The following ABCF3 variants were observed in gnomAD, a reference collection of about 807,000 sequenced individuals.
ABCF3 encodes the protein ATP-binding cassette sub-family F member 3.
Under a neutral mutation model 94.3 loss-of-function variants are expected in ABCF3, and 62 were observed. That is an observed-to-expected ratio of 0.66 (90% CI 0.54 to 0.81). The LOEUF (loss-of-function observed/expected upper bound fraction) is 0.81. ABCF3 is among the 40% of genes least tolerant of loss of function. The pLI is 0.00. For synonymous variants in ABCF3, 355 were observed against 361.1 expected (o/e 0.98, Z 0.19); for missense variants, 843 against 925.3 (o/e 0.91, Z 1.15).
chr3:184,186,616 C>G lies in ABCF3; in HGVS notation c.183C>G (p.Ile61Met), dbSNP rs200504385. 6.2e-7 allele frequency: 1 copy of G among 1,613,344 alleles called. No homozygotes were observed. Among genetic ancestry groups the G allele is most frequent in the Non-Finnish European group, 8.5e-7 (1 of 1,179,580 alleles). Reference protein sequence around the residue: ...VSGDSKDDAGIRAVCQRMYNT... With the variant: ...VSGDSKDDAGMRAVCQRMYNT... Reference sequence around the variant, plus strand: ...GGGACAGCAAGGATGACGCGGGCATCAGGGCCGTGTGCCAGCGCATGTACA... The same window carrying G: ...GGGACAGCAAGGATGACGCGGGCATGAGGGCCGTGTGCCAGCGCATGTACA... Residue 61 changes from isoleucine to methionine, a missense_variant, in exon 2 of 21, where the codon ATC becomes ATG. Physicochemically the swap from Ile to Met is conservative, Grantham distance 10 (BLOSUM62 1). Coordinates refer to ENST00000429586, the MANE Select transcript of ABCF3 (RefSeq NM_018358.3).
At chr3:184,187,580 A>G in intron 4 of ABCF3, 84 bp from the exon 5 acceptor site, 1 of 1,564,646 alleles carries the variant, frequency 6.4e-7, no homozygotes, top group Non-Finnish European at 8.8e-7. Context: ...GGGTAAGTTA[A>G]GAGGGTTTAC....
At position 184,193,627 on chromosome 3, in the gene ABCF3, C is replaced by T. The variant is rs147258210; in HGVS notation, c.2059C>T (p.Arg687Cys). Residue 687 changes from arginine (R) to cysteine (C), a missense_variant, in exon 21 of 21, where the codon CGT (arginine) becomes TGT (cysteine). Physicochemically the swap from Arg to Cys is radical, Grantham distance 180. Transcript: ENST00000429586. The surrounding 1 kb of genome is among the most constrained non-coding windows in gnomAD (Gnocchi z 5.2). Reference protein sequence around the residue: ...LWVCEGGGVTRVEGGFDQYRA... With the variant: ...LWVCEGGGVTCVEGGFDQYRA... ...GGTATGCGAAGGAGGCGGCGTCACC[C>T]GTGTGGAAGGAGGATTTGACCAGTA... is the stretch of plus-strand genomic sequence containing the variant. 241 of 1,614,018 alleles carry T rather than the reference C, an allele frequency of 1.5e-4. No homozygotes were observed. The African/African-American group carries it at 1.7e-3, about 11-fold the overall frequency.
chr3:184,193,670 A>G lies in ABCF3; in HGVS notation c.2102A>G (p.Glu701Gly), dbSNP rs1262170214. The G allele has an allele frequency of 6.2e-7, 1 of 1,613,656 alleles. No homozygotes were observed. Among genetic ancestry groups the G allele is most frequent in the Non-Finnish European group, 8.5e-7 (1 of 1,179,772 alleles). ...GFDQYRALLQEQFRREGFL is the reference protein window; with the variant it reads ...GFDQYRALLQGQFRREGFL ...GACCAGTACCGCGCCCTCCTCCAGG[A>G]ACAGTTCCGCCGCGAAGGCTTCCTC... The change falls in exon 21 of 21, where the codon GAA becomes GGA. Residue 701 changes from glutamate to glycine, a missense_variant. By Grantham distance (98) the Glu-to-Gly change is moderately conservative. Coordinates refer to ENST00000429586, the MANE Select transcript of ABCF3 (RefSeq NM_018358.3). This position sits in a 1 kb window ranked among gnomAD's most constrained non-coding sequence, Gnocchi z 5.2.
intron 16 of ABCF3, among the ~76,000 whole-genome samples, chr3:184,192,231 C>T (rs937122130): frequency 6.6e-6 from 1 of 152,122 alleles, no homozygotes; most frequent in Non-Finnish European, 1.5e-5. Context: ...GTGTAATGAT[C>T]AAATCAGGGT....
intron 2 of ABCF3, 38 bp downstream of exon 2, chr3:184,186,692 G>T (rs776910470): frequency 7.5e-6 from 12 of 1,591,636 alleles, no homozygotes; most frequent in Non-Finnish European, 1.0e-5. Flanking sequence ...GGGGCGAAGG[G>T]ACGGCGAACG....
At position 184,191,749 on chromosome 3, in the gene ABCF3, C is replaced by CTTTTTTTTTTTTTTTTTTTTTTTTTT. The variant is rs375009324; in HGVS notation, c.1569+508_1569+509insTTTTTTTTTTTTTTTTTTTTTTTTTT. Among the ~76,000 whole-genome samples the CTTTTTTTTTTTTTTTTTTTTTTTTTT allele has an allele frequency of 7.7e-3, 885 of 114,528 alleles. 134 individuals are homozygous for CTTTTTTTTTTTTTTTTTTTTTTTTTT. Among genetic ancestry groups the CTTTTTTTTTTTTTTTTTTTTTTTTTT allele is most frequent in the African/African-American group, 0.011 (287 of 27,268 alleles). The allele number at this position is 114,528 out of a possible 152,430, so 75.1% of individuals were successfully genotyped here. ...GCATTTTTCTGTAGAGTTAGAGTTC[C>CTTTTTTTTTTTTTTTTTTTTTTTTTT]TTTTTTTTTTTTTTCGGAGACAGAG... On this transcript the variant is annotated intron_variant, in intron 16 of 20. Transcript: ENST00000429586.
chr3:184,191,363 G>A (rs1716013979), intron 16 of ABCF3, 108 bp downstream of exon 16: 15 of 1,535,572 alleles, frequency 9.8e-6, no homozygotes, highest in Admixed American at 1.7e-5. Flanking sequence ...CTGTGGAACA[G>A]GAGTGAGGGC....
rs765546289 is a variant in ABCF3, at chr3:184,187,756, C to T, written c.441C>T (p.Asn147=). The part of the protein sequence containing the change: ...RSEKDTLKTS[N]PLVLEEASAS... ...AGAAGGACACGCTCAAGACCAGCAA[C>T]CCTCTGTGAGTGGGGGAAGCATGGC... Residue 147 remains asparagine (N), a synonymous_variant, in exon 5 of 21, where the codon AAC becomes AAT. Coordinates refer to ENST00000429586, the MANE Select transcript of ABCF3 (RefSeq NM_018358.3). 1.3e-5 allele frequency: 21 copies of T among 1,614,054 alleles called. No homozygotes were observed. The highest frequency in any genetic ancestry group is 8.3e-5 in the Admixed American group (5 of 59,998).
intron 1 of ABCF3, 33 bp from the exon 2 acceptor site, chr3:184,186,474 G>C (rs766956980): frequency 1.1e-5 from 17 of 1,595,510 alleles, no homozygotes; most frequent in Non-Finnish European, 1.5e-5. Flanking sequence ...CACCCTACCC[G>C]ATACCTTCCT....
chr3:184,187,797 G>C (rs1332336939), intron 5 of ABCF3, 36 bp downstream of exon 5: 1 of 1,614,172 alleles, frequency 6.2e-7, no homozygotes. Context: ...AGAGAGCAGA[G>C]CAGCTTTTGC....
Position 184,187,455 on chromosome 3 carries a change from G to A in ABCF3, c.348+12G>A, listed in dbSNP as rs771881805. Reference sequence around the variant, plus strand: ...GGGAACAGTCCTCGGTGAGGAGGAGGAAGCAAGGGAGGGGACTGTCTGTGA... The same window carrying A: ...GGGAACAGTCCTCGGTGAGGAGGAGAAAGCAAGGGAGGGGACTGTCTGTGA... On this transcript the variant is annotated intron_variant, in intron 4 of 20. Coordinates refer to ENST00000429586, the MANE Select transcript of ABCF3 (RefSeq NM_018358.3). 37 of 1,612,180 alleles carry A rather than the reference G, an allele frequency of 2.3e-5. No individual in the cohort carries two copies. The highest frequency in any genetic ancestry group is 5.1e-6 in the Non-Finnish European group (6 of 1,179,400).
rs377336446 is a variant in ABCF3 at position 184,192,263 on chromosome 3, CATTT to C, written c.1570-335_1570-332del. On this transcript the variant is annotated intron_variant, in intron 16 of 20. Transcript: ENST00000429586. ...GGGTAATTAGCATATTCATCATAAACATTTATCACTTTATGTTGGGAACATTCAG... is the reference window on the plus strand; with the variant it reads ...GGGTAATTAGCATATTCATCATAAACATCACTTTATGTTGGGAACATTCAG... Among the ~76,000 whole-genome samples, 417 of 152,252 alleles carry C rather than the reference CATTT, an allele frequency of 2.7e-3. 1 individual carries two copies. Among genetic ancestry groups the C allele is most frequent in the African/African-American group, 9.3e-3 (386 of 41,530 alleles).
intron 11 of ABCF3, 41 bp from the exon 12 acceptor site, chr3:184,189,347 C>T: frequency 6.2e-7 from 1 of 1,614,202 alleles, no homozygotes; most frequent in Non-Finnish European, 8.5e-7. Context: ...CCTAGTTCTC[C>T]AGCCCTTCAA....
At chr3:184,190,104 T>C (rs574279251) in intron 14 of ABCF3, 173 bp downstream of exon 14, 47 of 663,804 alleles carry the variant, frequency 7.1e-5, no homozygotes, top group Admixed American at 1.9e-4. Flanking sequence ...GGGCTAATCT[T>C]GACTAGCACA....
Position 184,193,177 on chromosome 3 carries a change from C to CCT in ABCF3, c.1827_1828insTC (p.Leu611AlafsTer15). On this transcript the variant is annotated frameshift_variant, in exon 19 of 21. Coordinates refer to ENST00000429586, the MANE Select transcript of ABCF3 (RefSeq NM_018358.3). LOFTEE classifies it high-confidence loss of function. This position sits in a 1 kb window ranked among gnomAD's most constrained non-coding sequence, Gnocchi z 5.2. The stretch of plus-strand genomic sequence containing the variant: ...GGAGAACTGGCCATGCGTCCTCTTG[C>CCT]CAGCCTGTCTGGGGGCCAGAAGAGC... 6.4e-7 allele frequency: 1 copy of CCT among 1,567,848 alleles called. No individual in the cohort carries two copies. Among genetic ancestry groups the CCT allele is most frequent in the South Asian group, 1.2e-5 (1 of 82,954 alleles).
In ABCF3 at chr3:184,191,134, G is replaced by C; in HGVS notation, c.1448G>C (p.Gly483Ala). 1.2e-6 allele frequency: 2 copies of C among 1,614,162 alleles called. No individual in the cohort carries two copies. Among genetic ancestry groups the C allele is most frequent in the South Asian group, 1.1e-5 (1 of 91,078 alleles). The stretch of plus-strand genomic sequence containing the variant: ...CCTACCTCCTGCAGGTTCCCTGATG[G>C]GTTTGAGAAGTTCTCGCCGCCAATT... ...ESEVVMKFPD[G>A]FEKFSPPILQ... is the part of the protein sequence containing the mutation. The change falls in exon 16 of 21, where the codon GGG (glycine) becomes GCG (alanine). Residue 483 changes from glycine (G) to alanine (A), a missense_variant. By Grantham distance (60) the Gly-to-Ala change is moderately conservative. Transcript: ENST00000429586.
In ABCF3 at chr3:184,193,445, A is replaced by G. The variant is rs1458101019; in HGVS notation, c.1964A>G (p.Asn655Ser). Residue 655 changes from asparagine (N) to serine (S), a missense_variant, in exon 20 of 21, where the codon AAT becomes AGT. Transcript: ENST00000429586. The surrounding 1 kb of genome is among the most constrained non-coding windows in gnomAD (Gnocchi z 5.2). ...GAGGCTCTGGGCCGTGCCCTCAACA[A>G]TTTCAGGGTGAGTGTGCCTTCACCC... ...TIEALGRALN[N>S]FRGGVILVSH... The G allele has an allele frequency of 2.5e-6, 4 of 1,613,792 alleles. No individual in the cohort carries two copies. The highest frequency in any genetic ancestry group is 2.2e-5 in the East Asian group (1 of 44,870).
At chr3:184,186,974 A>G (rs1277722436) in intron 3 of ABCF3, 99 bp downstream of exon 3, 3 of 1,252,594 alleles carry the variant, frequency 2.4e-6, no homozygotes, top group Admixed American at 2.4e-5. Context: ...TCTTTTCCAC[A>G]GGACAAGGTT....
At chr3:184,192,480 T>C in intron 16 of ABCF3, 121 bp from the exon 17 acceptor site, 3 of 949,788 alleles carry the variant, frequency 3.2e-6, no homozygotes, top group Non-Finnish European at 4.7e-6. Context: ...CAGCCTCTAG[T>C]AACCACAACT....
Sources: allele counts gnomAD v4.1 joint callset (sites outside exome capture counted in the v4.1 genomes callset), GRCh38; gene constraint gnomAD v4.1.1; non-coding constraint Gnocchi (gnomAD v3.1); transcripts MANE v1.5; gene names NCBI Gene and HGNC (gene_info 2026-07-23, HGNC 2026-07-21).